The following SCFD2 variants were observed in gnomAD, a reference collection of about 807,000 sequenced individuals.
The protein encoded by SCFD2 is sec1 family domain containing 2.
A neutral mutation model predicts 58.9 loss-of-function variants in SCFD2; 54 were observed. The ratio of observed to expected loss-of-function variants is 0.92; its 90% CI spans 0.74 to 1.15. The LOEUF (loss-of-function observed/expected upper bound fraction) is 1.15, where lower values mean the gene tolerates loss of function less well. Ranked by LOEUF, SCFD2 falls within the 50% of genes most tolerant of loss-of-function variation. The pLI is 0.00. For synonymous variants in SCFD2, 321 were observed against 335.9 expected (o/e 0.96, Z 0.49); for missense variants, 805 against 836.6 (o/e 0.96, Z 0.47).
intron 5 of SCFD2, among the ~76,000 whole-genome samples, chr4:53,075,640 T>C (rs1723949787): frequency 6.6e-6 from 1 of 152,132 alleles, no homozygotes; most frequent in Non-Finnish European, 1.5e-5. Flanking sequence ...CTGTGTCCCA[T>C]GGAAGAGGAA....
chr4:53,278,544 G>C (rs1255099854), intron 3 of SCFD2, among the ~76,000 whole-genome samples: 1 of 147,324 alleles, frequency 6.8e-6, no homozygotes, highest in Non-Finnish European at 1.5e-5. Flanking sequence ...AAAAAAAAAA[G>C]TCAAATTTTT....
chr4:52,912,638 C>T (rs1224398241), intron 6 of SCFD2, among the ~76,000 whole-genome samples: 1 of 152,098 alleles, frequency 6.6e-6, no homozygotes, highest in Non-Finnish European at 1.5e-5. Flanking sequence ...GTACTTGTGC[C>T]TTCTTAATAA....
chr4:52,960,728 A>AACACAC, intron 5 of SCFD2, among the ~76,000 whole-genome samples: 1 of 131,290 alleles, frequency 7.6e-6, no homozygotes, highest in Non-Finnish European at 1.6e-5. Context: ...ACACACACAC[A>AACACAC]ACACACACAC....
intron 3 of SCFD2, among the ~76,000 whole-genome samples, chr4:53,297,298 C>T (rs963605871): frequency 6.6e-6 from 1 of 152,142 alleles, no homozygotes; most frequent in Admixed American, 6.5e-5. Flanking sequence ...TCTCTAAGAA[C>T]TTGCTTTATG....
chr4:53,280,337 G>A (rs1241735212), intron 3 of SCFD2, among the ~76,000 whole-genome samples: 5 of 152,042 alleles, frequency 3.3e-5, no homozygotes, highest in Admixed American at 2.0e-4. Flanking sequence ...CCAACATGGC[G>A]AAACCCCATC....
chr4:52,992,663 C>G (rs1380153937), intron 5 of SCFD2, among the ~76,000 whole-genome samples: 1 of 152,118 alleles, frequency 6.6e-6, no homozygotes, highest in African/African-American at 2.4e-5. Flanking sequence ...GTGAGGAGTG[C>G]CTCTGCCTGG....
chr4:53,093,662 T>C (rs187532006), intron 5 of SCFD2, among the ~76,000 whole-genome samples: 18 of 152,296 alleles, frequency 1.2e-4, no homozygotes, highest in African/African-American at 4.1e-4. Context: ...GAAAGCTCTT[T>C]ACATGCTGAT....
In SCFD2 at chr4:53,136,285, T is replaced by C. The variant is rs144320180; in HGVS notation, c.1561+9048A>G. ...TCCTATCCCCTCATTGAACAGGCTA[T>C]GATTGGTGATTTGAGGCAAGTCAAA... is the stretch of plus-strand genomic sequence containing the variant. On this transcript the variant is annotated intron_variant, in intron 5 of 8. Coordinates refer to ENST00000401642, the MANE Select transcript of SCFD2 (RefSeq NM_152540.4). 3.4e-3 allele frequency among the ~76,000 whole-genome samples: 523 copies of C among 152,312 alleles called. 5 individuals carry two copies. Among genetic ancestry groups the C allele is most frequent in the African/African-American group, 0.012 (494 of 41,568 alleles).
chr4:53,103,297 G>A (rs898292336), intron 5 of SCFD2, among the ~76,000 whole-genome samples: 3 of 151,998 alleles, frequency 2.0e-5, no homozygotes, highest in African/African-American at 7.2e-5. Context: ...AGTAGGGGTT[G>A]GGAGTCTGAA....
At chr4:53,309,170 T>C (rs1732610960) in intron 3 of SCFD2, among the ~76,000 whole-genome samples, 1 of 151,252 alleles carries the variant, frequency 6.6e-6, no homozygotes, top group Non-Finnish European at 1.5e-5. Flanking sequence ...AGTACAGTGT[T>C]CAAAATAGGG....
intron 4 of SCFD2, among the ~76,000 whole-genome samples, chr4:53,181,859 A>G (rs1024785249): frequency 6.6e-6 from 1 of 152,008 alleles, no homozygotes; most frequent in African/African-American, 2.4e-5. Context: ...TTATACACCA[A>G]TAACAGACAG....
chr4:53,057,076 T>A (rs1223168217), intron 5 of SCFD2, among the ~76,000 whole-genome samples: 1 of 152,102 alleles, frequency 6.6e-6, no homozygotes, highest in Non-Finnish European at 1.5e-5. Context: ...TCCCAGCTAC[T>A]CTGGAGGCTG....
chr4:53,253,648 C>A (rs1403465467), intron 4 of SCFD2, among the ~76,000 whole-genome samples: 1 of 146,890 alleles, frequency 6.8e-6, no homozygotes, highest in Non-Finnish European at 1.5e-5. Context: ...AACAAAAAAC[C>A]AAACACCACA....
At chr4:52,900,770 G>C (rs554226667) in intron 7 of SCFD2, among the ~76,000 whole-genome samples, 2 of 152,236 alleles carry the variant, frequency 1.3e-5, no homozygotes, top group African/African-American at 4.8e-5. Context: ...AGGCCTCCTT[G>C]AGCTGTGGTG....
intron 5 of SCFD2, among the ~76,000 whole-genome samples, chr4:52,939,168 C>T (rs943081362): frequency 6.6e-6 from 1 of 152,094 alleles, no homozygotes; most frequent in African/African-American, 2.4e-5. Context: ...ATACAAATGC[C>T]AACCCTCCAC....
intron 5 of SCFD2, among the ~76,000 whole-genome samples, chr4:52,942,110 T>C (rs939973130): frequency 2.0e-5 from 3 of 152,164 alleles, no homozygotes; most frequent in Admixed American, 6.5e-5. Flanking sequence ...GAAAGATTTT[T>C]CTAGTGTCTA....
chr4:52,883,772 T>A (rs1718672518), intron 8 of SCFD2, among the ~76,000 whole-genome samples: 1 of 152,198 alleles, frequency 6.6e-6, no homozygotes, highest in African/African-American at 2.4e-5. Flanking sequence ...AAACAGAACC[T>A]TATCACTGCT....
intron 5 of SCFD2, among the ~76,000 whole-genome samples, chr4:53,140,617 C>G (rs2148908653): frequency 6.6e-6 from 1 of 151,570 alleles, no homozygotes; most frequent in Middle Eastern, 3.4e-3. Context: ...GTAGCTAATA[C>G]AGACAGATTA....
chr4:53,096,565 G>T (rs554343522), intron 5 of SCFD2, among the ~76,000 whole-genome samples: 54 of 152,174 alleles, frequency 3.5e-4, no homozygotes, highest in Admixed American at 7.2e-4. Flanking sequence ...TGATGGGGTT[G>T]TTTTTTTCTT....
Sources: gnomAD v4.1 joint callset for allele counts (sites outside exome capture counted in the v4.1 genomes callset) on GRCh38, gnomAD v4.1.1 for gene constraint, MANE v1.5 for transcripts, NCBI Gene and HGNC (gene_info 2026-07-23, HGNC 2026-07-21) for gene names.